The following HECTD4 variants were observed in gnomAD, a reference collection of about 807,000 sequenced individuals.
HECTD4 encodes the protein probable E3 ubiquitin-protein ligase HECTD4.
Under a neutral mutation model 471.5 loss-of-function variants are expected in HECTD4, and 114 were observed. The observed-to-expected ratio is 0.24, with a 90% CI of 0.21 to 0.28. The LOEUF (loss-of-function observed/expected upper bound fraction) is 0.28, where lower values mean the gene tolerates loss of function less well. Among genes scored for constraint, HECTD4 ranks in the 10% least tolerant of loss-of-function variants. HECTD4 has a pLI of 1.00. For synonymous variants in HECTD4, 2,012 were observed against 2,256.0 expected (o/e 0.89, Z 3.07); for missense variants, 3,866 against 5,651.5 (o/e 0.68, Z 10.13).
At chr12:112,371,909 A>C (rs865986089) in intron 1 of HECTD4, among the ~76,000 whole-genome samples, 1 of 148,204 alleles carries the variant, frequency 6.7e-6, no homozygotes, top group Non-Finnish European at 1.5e-5. Context: ...AAAAAAAAAG[A>C]AAAAAGAAAA....
chr12:112,234,371 T>C lies in HECTD4; in HGVS notation c.5915+706A>G, dbSNP rs116782611. 6.1e-3 allele frequency among the ~76,000 whole-genome samples: 932 copies of C among 152,314 alleles called. 7 individuals are homozygous for C. The highest frequency in any genetic ancestry group is 0.022 in the African/African-American group (895 of 41,564). On this transcript the variant is annotated intron_variant, in intron 37 of 75. Transcript: ENST00000682272. ...CCATAATCCCGCTTAGTTTACACCA[T>C]GGTCCCATTAGTGTTTTCAGTTGCC... is the stretch of plus-strand genomic sequence containing the variant.
chr12:112,216,930 AT>A lies in HECTD4; in HGVS notation c.7237-10del. ...CAGTAAAAAGACGGGGCCTGAAGAG[AT>A]GCCAGAAGAGAGCAGCAATCAGAGG... On this transcript the variant is annotated splice_polypyrimidine_tract_variant and intron_variant, in intron 46 of 75. Transcript: ENST00000682272. 1.2e-6 allele frequency: 2 copies of A among 1,612,270 alleles called. No homozygotes were observed. The highest frequency in any genetic ancestry group is 1.7e-6 in the Non-Finnish European group (2 of 1,178,410).
At chr12:112,240,224 G>A (rs865870033) in intron 32 of HECTD4, among the ~76,000 whole-genome samples, 197 bp from the exon 33 acceptor site, 3 of 152,114 alleles carry the variant, frequency 2.0e-5, no homozygotes, top group Non-Finnish European at 4.4e-5. Flanking sequence ...CCAAAACAGC[G>A]GTCCACACTC....
intron 1 of HECTD4, among the ~76,000 whole-genome samples, chr12:112,337,034 A>G (rs1207663997): frequency 1.3e-5 from 2 of 152,350 alleles, no homozygotes; most frequent in East Asian, 3.9e-4. Context: ...CTAGGAAGCT[A>G]TTAAAATCAG....
chr12:112,280,985 T>A (rs1262558433), intron 8 of HECTD4, among the ~76,000 whole-genome samples: 2 of 151,934 alleles, frequency 1.3e-5, no homozygotes, highest in Non-Finnish European at 2.9e-5. Flanking sequence ...GAGATGGGGT[T>A]TCACCATGTT....
chr12:112,325,603 A>G (rs1436415956), intron 1 of HECTD4, among the ~76,000 whole-genome samples: 1 of 152,196 alleles, frequency 6.6e-6, no homozygotes, highest in Non-Finnish European at 1.5e-5. Flanking sequence ...CTTGACCAAA[A>G]TGTCATTAGA....
Position 112,239,782 on chromosome 12 carries a change from GA to G in HECTD4, c.5105+98del. 4.1e-6 allele frequency: 5 copies of G among 1,206,038 alleles called. No individual in the cohort carries two copies. The highest frequency in any genetic ancestry group is 5.7e-6 in the Non-Finnish European group (5 of 884,120). 74.7% of individuals were successfully genotyped at this position (1,206,038 alleles called of 1,614,324 possible). ...TTTTGTATAGCTAGCTCTGGATAAT[GA>G]AAGCAAAAAATCCAATTTTTAAAAT... On this transcript the variant is annotated intron_variant, in intron 33 of 75. Coordinates refer to ENST00000682272, the MANE Select transcript of HECTD4 (RefSeq NM_001388303.1). This position sits in a 1 kb window ranked among gnomAD's most constrained non-coding sequence, Gnocchi z 4.9.
intron 4 of HECTD4, among the ~76,000 whole-genome samples, chr12:112,311,197 G>A (rs1204467708): frequency 6.6e-6 from 1 of 152,068 alleles, no homozygotes; most frequent in East Asian, 1.9e-4. Context: ...GGGAGGCAGA[G>A]GTTGCAGTGA....
intron 29 of HECTD4, among the ~76,000 whole-genome samples, 196 bp downstream of exon 29, chr12:112,246,705 G>A (rs2033771158): frequency 1.3e-5 from 2 of 152,136 alleles, no homozygotes; most frequent in Admixed American, 6.5e-5. Context: ...GTATTTCTTT[G>A]TTTTTCTTTT....
At chr12:112,290,572 A>G (rs2034856653) in intron 7 of HECTD4, among the ~76,000 whole-genome samples, 2 of 151,866 alleles carry the variant, frequency 1.3e-5, no homozygotes, top group Admixed American at 1.3e-4. Flanking sequence ...ATCAGGCCGG[A>G]TGTGGTGGCT....
At position 112,240,032 on chromosome 12, in the gene HECTD4, G is replaced by A; in HGVS notation, c.4959-5C>T. On this transcript the variant is annotated splice_region_variant and splice_polypyrimidine_tract_variant and intron_variant, in intron 32 of 75. Coordinates refer to ENST00000682272, the MANE Select transcript of HECTD4 (RefSeq NM_001388303.1). ...CCACATGTGAGTTCTTCAATTCTGT[G>A]AAAGAGAAACCAAAGCTCAGGCTTC... 2 of 1,613,434 alleles carry A rather than the reference G, an allele frequency of 1.2e-6. No individual in the cohort carries two copies. Among genetic ancestry groups the A allele is most frequent in the Non-Finnish European group, 1.7e-6 (2 of 1,179,534 alleles).
At position 112,179,499 on chromosome 12, in the gene HECTD4, A is replaced by G; in HGVS notation, c.10988-102T>C. ...AAACACTGTTTGAAAGGGGCAGTGG[A>G]TGGACATTAGTGGAAGGAAGAGCTG... On this transcript the variant is annotated intron_variant, in intron 62 of 75. Coordinates refer to ENST00000682272, the MANE Select transcript of HECTD4 (RefSeq NM_001388303.1). This position sits in a 1 kb window ranked among gnomAD's most constrained non-coding sequence, Gnocchi z 4.3. The G allele has an allele frequency of 9.6e-7, 1 of 1,045,388 alleles. No homozygotes were observed. The allele number at this position is 1,045,388 out of a possible 1,614,324, so 64.8% of individuals were successfully genotyped here. A position where few individuals can be genotyped will look rare whatever the true frequency, so the allele number is the denominator to read the frequency against.
intron 49 of HECTD4, among the ~76,000 whole-genome samples, chr12:112,210,572 C>T (rs1332113149): frequency 6.6e-6 from 1 of 152,252 alleles, no homozygotes; most frequent in African/African-American, 2.4e-5. Flanking sequence ...CATGCTGTTC[C>T]TTCCACCTGG....
At position 112,247,522 on chromosome 12, in the gene HECTD4, C is replaced by A; in HGVS notation, c.4277G>T (p.Cys1426Phe). 2 of 1,530,592 alleles carry A rather than the reference C, an allele frequency of 1.3e-6. No individual in the cohort carries two copies. The highest frequency in any genetic ancestry group is 2.1e-5 in the Admixed American group (1 of 48,056). The allele number at this position is 1,530,592 out of a possible 1,614,324, so 94.8% of individuals were successfully genotyped here. ...ENKMKELELLCSMKEVSFDGN... is the reference protein window; with the variant it reads ...ENKMKELELLFSMKEVSFDGN... ...ATCAAAGGAGACTTCCTTCATTGAA[C>A]ATAAAAGTTCTAGTTCTTTCATTTT... Residue 1426 changes from cysteine (C) to phenylalanine (F), a missense_variant, in exon 28 of 76, where the codon TGT (cysteine) becomes TTT (phenylalanine). Physicochemically the swap from Cys to Phe is radical, Grantham distance 205 (BLOSUM62 -2). Around this residue, in one of 16 missense-constraint regions of HECTD4, gnomAD observed 281 missense variants for 499.9 expected, o/e 0.56. Coordinates refer to ENST00000682272, the MANE Select transcript of HECTD4 (RefSeq NM_001388303.1).
intron 45 of HECTD4, 129 bp from the exon 46 acceptor site, chr12:112,217,324 CACACACACACAT>C (rs1280330907): frequency 3.7e-6 from 2 of 537,872 alleles, no homozygotes; most frequent in Non-Finnish European, 6.2e-6. Flanking sequence ...CACATACACA[CACACACACACAT>C]ACACACACAC....
Position 112,239,924 on chromosome 12 carries a change from A to T in HECTD4, c.5062T>A (p.Cys1688Ser). 6.2e-7 allele frequency: 1 copy of T among 1,614,060 alleles called. No homozygotes were observed. The highest frequency in any genetic ancestry group is 8.5e-7 in the Non-Finnish European group (1 of 1,179,890). ...VSLCARYPIA[C>S]ANSIGLLCTI... ...CATAAGAGTCCAATGCTATTTGCGC[A>T]AGCGATAGGGTAACGAGCACACAGA... Residue 1688 changes from cysteine to serine, a missense_variant, in exon 33 of 76, where the codon TGC (cysteine) becomes AGC (serine). Cys to Ser is a moderately radical substitution (Grantham distance 112). Transcript: ENST00000682272. This position sits in a 1 kb window ranked among gnomAD's most constrained non-coding sequence, Gnocchi z 4.9.
rs1229392731 is a variant in HECTD4 at position 112,219,423 on chromosome 12, C to T, written c.7037G>A (p.Arg2346Gln). The T allele has an allele frequency of 9.9e-6, 16 of 1,613,764 alleles. No individual in the cohort carries two copies. The highest frequency in any genetic ancestry group is 1.3e-5 in the Non-Finnish European group (15 of 1,179,788). ...RLRMLYRDCA[R>Q]PPPPPLQADR... ...AGCCTGCAAAGGAGGTGGTGGGGGC[C>T]GAGCACAGTCCCGGTAGAGCATCCT... The change falls in exon 45 of 76, where the codon CGG becomes CAG. Residue 2346 changes from arginine (R) to glutamine (Q), a missense_variant. By Grantham distance (43) the Arg-to-Gln change is conservative. Transcript: ENST00000682272.
At chr12:112,281,060 G>C (rs1172917103) in intron 8 of HECTD4, among the ~76,000 whole-genome samples, 1 of 151,996 alleles carries the variant, frequency 6.6e-6, no homozygotes, top group Non-Finnish European at 1.5e-5. Flanking sequence ...CAAAATGCTG[G>C]GATTATAGGC....
rs1477087973 is a variant in HECTD4 at position 112,162,499 on chromosome 12, C to T, written c.13145G>A (p.Arg4382His). 4 of 1,613,984 alleles carry T rather than the reference C, an allele frequency of 2.5e-6. No individual in the cohort carries two copies. The highest frequency in any genetic ancestry group is 3.4e-6 in the Non-Finnish European group (4 of 1,179,880). Reference sequence around the variant, plus strand: ...GATCATGAACATGCAGGTCTCCACGCGGATGTAGCGAGAGTCTGGGGAACC... The same window carrying T: ...GATCATGAACATGCAGGTCTCCACGTGGATGTAGCGAGAGTCTGGGGAACC... ...TAGSPDSRYI[R>H]VETCMFMIKL... The change falls in exon 76 of 76, where the codon CGC becomes CAC. Residue 4382 changes from arginine to histidine, a missense_variant. By Grantham distance (29) the Arg-to-His change is conservative. This residue lies in a region of HECTD4 where 715 missense variants were observed against 1,087.6 expected (regional missense o/e 0.66). Transcript: ENST00000682272. The surrounding 1 kb of genome is among the most constrained non-coding windows in gnomAD (Gnocchi z 5.2).
Sources: allele counts gnomAD v4.1 joint callset (sites outside exome capture counted in the v4.1 genomes callset), GRCh38; gene constraint gnomAD v4.1.1; regional missense constraint gnomAD v4.1.1; non-coding constraint Gnocchi (gnomAD v3.1); transcripts MANE v1.5; gene names NCBI Gene and HGNC (gene_info 2026-07-23, HGNC 2026-07-21).